Variants in CLMP observed in about 807,000 individuals in gnomAD.
CLMP encodes CXADR like cell adhesion molecule, also known as CXADR-like membrane protein.
A neutral mutation model predicts 45.2 loss-of-function variants in CLMP; 27 were observed. The ratio of observed to expected loss-of-function variants is 0.60; its 90% CI spans 0.44 to 0.82. CLMP has a LOEUF of 0.82. Ranked by LOEUF, CLMP falls within the 40% of genes least tolerant of loss-of-function variation. The pLI is 0.00. For missense variants in CLMP, 403 were observed against 448.4 expected (o/e 0.90, Z 0.91); for synonymous variants, 167 against 171.4 (o/e 0.97, Z 0.20).
rs1302109135 is a variant in CLMP at position 123,195,085 on chromosome 11, C to A, written c.-145G>T. On this transcript the variant is annotated 5_prime_UTR_variant, in exon 1 of 7. Coordinates refer to ENST00000448775, the MANE Select transcript of CLMP (RefSeq NM_024769.5). ...CTGCAGCCATGTGCCGGGCGGGAGC[C>A]GGCCCCGCGCCCCGTGCCCCTGGGG... The A allele has an allele frequency of 3.4e-6, 2 of 583,358 alleles. No homozygotes were observed. The highest frequency in any genetic ancestry group is 5.0e-6 in the Non-Finnish European group (2 of 402,462). 36.1% of individuals were successfully genotyped at this position (583,358 alleles called of 1,614,324 possible). A position where few individuals can be genotyped will look rare whatever the true frequency, so the allele number is the denominator to read the frequency against.
At chr11:123,149,991 G>A (rs1187006543) in intron 1 of CLMP, among the ~76,000 whole-genome samples, 1 of 151,738 alleles carries the variant, frequency 6.6e-6, no homozygotes, top group East Asian at 1.9e-4. Flanking sequence ...TTTTGGTAGA[G>A]ATGGGGTTTC....
rs1424955635 is a variant in CLMP at position 123,195,038 on chromosome 11, C to T, written c.-98G>A. 3.2e-6 allele frequency: 4 copies of T among 1,235,832 alleles called. No homozygotes were observed. The highest frequency in any genetic ancestry group is 3.1e-5 in the African/African-American group (2 of 63,610). 76.6% of individuals were successfully genotyped at this position (1,235,832 alleles called of 1,614,324 possible). ...GACCTCGGGCGAGCTGGGCGCGGCG[C>T]CTCGGGGTGCGCGCGAGGTGGCTGC... is the stretch of plus-strand genomic sequence containing the variant. On this transcript the variant is annotated 5_prime_UTR_variant, in exon 1 of 7. Transcript: ENST00000448775.
chr11:123,073,782 G>GA lies in CLMP; in HGVS notation c.822-9dup, dbSNP rs765762289. The stretch of plus-strand genomic sequence containing the variant: ...GGAGCTTCAGCATCTTCTCTGAAGA[G>GA]AAAAAACAGCAAAGATTAACACTGG... On this transcript the variant is annotated splice_polypyrimidine_tract_variant and intron_variant, in intron 6 of 6. Transcript: ENST00000448775. 2.4e-5 allele frequency: 37 copies of GA among 1,558,388 alleles called. No individual in the cohort carries two copies. The highest frequency in any genetic ancestry group is 6.0e-5 in the Admixed American group (3 of 50,286).
chr11:123,083,574 G>A, intron 4 of CLMP, 106 bp downstream of exon 4: 2 of 1,137,652 alleles, frequency 1.8e-6, no homozygotes, highest in Admixed American at 3.6e-5. Context: ...AGGAGGTTCA[G>A]CAGGGTATTT....
At chr11:123,158,477 C>T (rs777055171) in intron 1 of CLMP, among the ~76,000 whole-genome samples, 25 of 152,192 alleles carry the variant, frequency 1.6e-4, no homozygotes, top group Non-Finnish European at 3.4e-4. Context: ...CTGTGCTGCT[C>T]TGGCCTGATG....
intron 1 of CLMP, among the ~76,000 whole-genome samples, chr11:123,187,687 T>G (rs1861852429): frequency 6.7e-6 from 1 of 149,024 alleles, no homozygotes; most frequent in African/African-American, 2.6e-5. Flanking sequence ...TTTTTCTTTC[T>G]TTTTTTTAGA....
chr11:123,124,318 C>T (rs1046432769), intron 1 of CLMP, among the ~76,000 whole-genome samples: 4 of 152,080 alleles, frequency 2.6e-5, no homozygotes, highest in Admixed American at 2.0e-4. Flanking sequence ...GCACAGCTTA[C>T]GGTTTTCCCA....
chr11:123,137,256 C>G (rs986717689), intron 1 of CLMP, among the ~76,000 whole-genome samples: 110 of 149,526 alleles, frequency 7.4e-4, no homozygotes, highest in Non-Finnish European at 1.3e-3. Context: ...CGGGTTCACG[C>G]CATTCTCCTG....
At chr11:123,126,162 C>G (rs1380210933) in intron 1 of CLMP, among the ~76,000 whole-genome samples, 2 of 152,194 alleles carry the variant, frequency 1.3e-5, no homozygotes. Context: ...ACTCTGTAGA[C>G]ACTTCTGTAA....
At chr11:123,166,976 C>G (rs1410994576) in intron 1 of CLMP, among the ~76,000 whole-genome samples, 1 of 152,072 alleles carries the variant, frequency 6.6e-6, no homozygotes, top group Non-Finnish European at 1.5e-5. Context: ...GAGAGATATC[C>G]TTGGCTAATG....
intron 1 of CLMP, among the ~76,000 whole-genome samples, chr11:123,163,156 C>G (rs1275763500): frequency 6.6e-6 from 1 of 151,904 alleles, no homozygotes; most frequent in African/African-American, 2.4e-5. Context: ...GCAAGGGAGA[C>G]AAAGAACAGG....
At chr11:123,167,556 A>C (rs1861575279) in intron 1 of CLMP, among the ~76,000 whole-genome samples, 2 of 151,990 alleles carry the variant, frequency 1.3e-5, no homozygotes, top group South Asian at 4.1e-4. Flanking sequence ...AAGTGCTGGG[A>C]TTACAGGCAT....
chr11:123,134,534 C>A (rs368301408), intron 1 of CLMP, among the ~76,000 whole-genome samples: 1 of 143,782 alleles, frequency 7.0e-6, no homozygotes, highest in African/African-American at 2.6e-5. Context: ...AGACTGGGCA[C>A]GGTGGCTCAC....
At chr11:123,085,777 T>G (rs561135904) in intron 2 of CLMP, among the ~76,000 whole-genome samples, 41 of 147,714 alleles carry the variant, frequency 2.8e-4, no homozygotes, top group South Asian at 1.3e-3. Flanking sequence ...ATGTTTTTTT[T>G]TTTTTGTTTT....
intron 1 of CLMP, among the ~76,000 whole-genome samples, chr11:123,100,662 C>T (rs1866045775): frequency 6.6e-6 from 1 of 152,162 alleles, no homozygotes. Context: ...TAGAGGAAGT[C>T]ACAGCCCTGC....
At chr11:123,172,074 C>A (rs900177144) in intron 1 of CLMP, among the ~76,000 whole-genome samples, 3 of 151,824 alleles carry the variant, frequency 2.0e-5, no homozygotes, top group Non-Finnish European at 2.9e-5. Context: ...CATAAAATTT[C>A]TTTGTCATCT....
chr11:123,172,448 G>T (rs1317843617), intron 1 of CLMP, among the ~76,000 whole-genome samples: 4 of 148,996 alleles, frequency 2.7e-5, no homozygotes, highest in Non-Finnish European at 4.5e-5. Context: ...GTTAATTTGT[G>T]CCAGTGTTTA....
At chr11:123,169,064 T>C (rs577099992) in intron 1 of CLMP, among the ~76,000 whole-genome samples, 30 of 152,274 alleles carry the variant, frequency 2.0e-4, no homozygotes, top group African/African-American at 7.0e-4. Context: ...CAAGTGTCTA[T>C]TTTTGCACTC....
Position 123,145,468 on chromosome 11 carries a change from T to TGTTTG in CLMP, c.29-47517_29-47516insCAAAC, listed in dbSNP as rs374994167. Among the ~76,000 whole-genome samples the TGTTTG allele has an allele frequency of 8.1e-4, 118 of 146,290 alleles. 1 individual carries two copies. The highest frequency in any genetic ancestry group is 8.0e-3 in the East Asian group (40 of 4,990). On this transcript the variant is annotated intron_variant, in intron 1 of 6. Coordinates refer to ENST00000448775, the MANE Select transcript of CLMP (RefSeq NM_024769.5). ...TCTGCGGCTGTTTTTTTTTTTTTTT[T>TGTTTG]TTTTTTTTTTTGAGACGGGAGTCTT...
Sources: gnomAD v4.1 joint callset for allele counts (sites outside exome capture counted in the v4.1 genomes callset) on GRCh38, gnomAD v4.1.1 for gene constraint, MANE v1.5 for transcripts, NCBI Gene and HGNC (gene_info 2026-07-23, HGNC 2026-07-21) for gene names.